The following TRPC4 variants were observed in gnomAD, a reference collection of about 807,000 sequenced individuals.
TRPC4 encodes short transient receptor potential channel 4.
A neutral mutation model predicts 99.4 loss-of-function variants in TRPC4; 49 were observed. The ratio of observed to expected loss-of-function variants is 0.49; its 90% confidence interval spans 0.39 to 0.63. The LOEUF is 0.63. Ranked by LOEUF, TRPC4 falls within the 20% of genes least tolerant of loss-of-function variation. The probability of loss-of-function intolerance (pLI) is 0.00; values close to 1 mark genes in which losing one functional copy is unlikely to be tolerated. For missense variants in TRPC4, 898 were observed against 1,152.9 expected (o/e 0.78, Z 3.20); for synonymous variants, 454 against 425.9 (o/e 1.07, Z -0.81).
chr13:37,719,948 C>A (rs907741597), intron 3 of TRPC4, among the ~76,000 whole-genome samples: 2 of 150,928 alleles, frequency 1.3e-5, no homozygotes, highest in African/African-American at 4.9e-5. Flanking sequence ...AAAAATTATT[C>A]TGGATTATCT....
chr13:37,789,454 C>A (rs1233138764), intron 1 of TRPC4, among the ~76,000 whole-genome samples: 1 of 152,244 alleles, frequency 6.6e-6, no homozygotes. Context: ...AGATTTAGAA[C>A]ATTTCTTACT....
At chr13:37,692,667 C>A (rs1953756334) in intron 3 of TRPC4, among the ~76,000 whole-genome samples, 1 of 152,144 alleles carries the variant, frequency 6.6e-6, no homozygotes, top group Non-Finnish European at 1.5e-5. Context: ...TAAAGATACA[C>A]ACCTATATAC....
chr13:37,822,515 G>T (rs1454811497), intron 1 of TRPC4, among the ~76,000 whole-genome samples: 1 of 145,842 alleles, frequency 6.9e-6, no homozygotes, highest in Non-Finnish European at 1.5e-5. Flanking sequence ...GTGAGAATAT[G>T]CGGTGTTTGG....
chr13:37,827,905 T>C (rs1958290903), intron 1 of TRPC4, among the ~76,000 whole-genome samples: 1 of 152,140 alleles, frequency 6.6e-6, no homozygotes, highest in South Asian at 2.1e-4. Flanking sequence ...CTCAGACTGC[T>C]GTGCTAGCAA....
chr13:37,753,248 T>A (rs1370313909), intron 2 of TRPC4, among the ~76,000 whole-genome samples: 1 of 152,204 alleles, frequency 6.6e-6, no homozygotes, highest in African/African-American at 2.4e-5. Flanking sequence ...GAGTATAGTA[T>A]AAGTCAAGAA....
chr13:37,839,079 C>T (rs921734030), intron 1 of TRPC4, among the ~76,000 whole-genome samples: 2 of 152,180 alleles, frequency 1.3e-5, no homozygotes, highest in Non-Finnish European at 2.9e-5. Context: ...GTAGTGACTA[C>T]ATAGTATATG....
At chr13:37,745,420 T>TTA (rs1224395130) in intron 3 of TRPC4, among the ~76,000 whole-genome samples, 1,635 of 128,214 alleles carry the variant, frequency 0.013, 36 homozygotes, top group African/African-American at 0.049. Context: ...GGCTGATTAT[T>TTA]TATATATATA....
intron 1 of TRPC4, among the ~76,000 whole-genome samples, chr13:37,866,717 T>C (rs1259698902): frequency 6.6e-6 from 1 of 151,720 alleles, no homozygotes; most frequent in Non-Finnish European, 1.5e-5. Flanking sequence ...TCAATGCCTC[T>C]GGAAGGGTGA....
chr13:37,728,381 A>G (rs1955131061), intron 3 of TRPC4, among the ~76,000 whole-genome samples: 1 of 152,104 alleles, frequency 6.6e-6, no homozygotes, highest in South Asian at 2.1e-4. Flanking sequence ...TTACATTTCT[A>G]TATATAATCA....
At chr13:37,765,764 A>G (rs1339754641) in intron 2 of TRPC4, among the ~76,000 whole-genome samples, 1 of 151,518 alleles carries the variant, frequency 6.6e-6, no homozygotes, top group Non-Finnish European at 1.5e-5. Flanking sequence ...AGAAGATTGC[A>G]TAAGTGCTTT....
intron 8 of TRPC4, among the ~76,000 whole-genome samples, chr13:37,649,744 A>C (rs926834279): frequency 6.9e-6 from 1 of 145,604 alleles, no homozygotes; most frequent in Non-Finnish European, 1.5e-5. Context: ...AAAAAAAAAA[A>C]AAAAAAAAAA....
At chr13:37,681,460 T>C (rs1953236705) in intron 4 of TRPC4, among the ~76,000 whole-genome samples, 1 of 152,176 alleles carries the variant, frequency 6.6e-6, no homozygotes, top group Non-Finnish European at 1.5e-5. Context: ...GGTATCTTTT[T>C]TTTTTGTTAT....
At chr13:37,667,735 TGA>T (rs1457624243) in intron 5 of TRPC4, among the ~76,000 whole-genome samples, 4 of 152,236 alleles carry the variant, frequency 2.6e-5, no homozygotes, top group African/African-American at 9.6e-5. Context: ...CTCTATGTTC[TGA>T]CTCCTTTTAA....
chr13:37,807,992 G>T (rs1466914363), intron 1 of TRPC4, among the ~76,000 whole-genome samples: 1 of 152,070 alleles, frequency 6.6e-6, no homozygotes, highest in Non-Finnish European at 1.5e-5. Flanking sequence ...CTTTCAGTCT[G>T]ACAGGTACTA....
chr13:37,695,315 C>T lies in TRPC4; in HGVS notation c.898-2980G>A, dbSNP rs528683233. On this transcript the variant is annotated intron_variant, in intron 3 of 10. Transcript: ENST00000379705. ...CTTTACTCCAACTCCCTCTGAAGGA[C>T]ACCCTCAGTGAGGGGCCACCTGATT... 3.3e-5 allele frequency among the ~76,000 whole-genome samples: 5 copies of T among 152,260 alleles called. No homozygotes were observed. The South Asian group carries it at 8.3e-4, about 25-fold the overall frequency.
At chr13:37,803,302 T>C (rs1409790605) in intron 1 of TRPC4, among the ~76,000 whole-genome samples, 1 of 152,090 alleles carries the variant, frequency 6.6e-6, no homozygotes, top group African/African-American at 2.4e-5. Context: ...TAGGAATCAA[T>C]ATCTGGATAC....
At chr13:37,830,657 A>G (rs1488670210) in intron 1 of TRPC4, among the ~76,000 whole-genome samples, 1 of 151,572 alleles carries the variant, frequency 6.6e-6, no homozygotes, top group Non-Finnish European at 1.5e-5. Context: ...GGTGGCAGTG[A>G]GCCGAGATCA....
chr13:37,778,953 G>T lies in TRPC4; in HGVS notation c.378+4003C>A, dbSNP rs560390450. Among the ~76,000 whole-genome samples, 13 of 152,086 alleles carry T rather than the reference G, an allele frequency of 8.5e-5. No homozygotes were observed. In the East Asian group the frequency reaches 2.5e-3, roughly 30 times the overall value. ...CACTGTTGCTAGACTGGCAGCATTA[G>T]CATTACCTGGGGTACTCACTAGAAA... is the stretch of plus-strand genomic sequence containing the variant. On this transcript the variant is annotated intron_variant, in intron 2 of 10. Transcript: ENST00000379705.
Position 37,760,743 on chromosome 13 carries a change from T to G in TRPC4, c.379-14288A>C, listed in dbSNP as rs561721329. ...TTAAAAATAATCTCATCAGCTATTG[T>G]GAGTGTTAGTGTATTTTATATGTGG... On this transcript the variant is annotated intron_variant, in intron 2 of 10. Coordinates refer to ENST00000379705, the MANE Select transcript of TRPC4 (RefSeq NM_016179.4). 1.5e-3 allele frequency among the ~76,000 whole-genome samples: 231 copies of G among 152,056 alleles called. 2 individuals are homozygous for G. The highest frequency in any genetic ancestry group is 5.3e-3 in the African/African-American group (220 of 41,542).
Sources: gnomAD v4.1 joint callset for allele counts (sites outside exome capture counted in the v4.1 genomes callset) on GRCh38, gnomAD v4.1.1 for gene constraint, MANE v1.5 for transcripts, NCBI Gene and HGNC (gene_info 2026-07-23, HGNC 2026-07-21) for gene names.